The following ACSS2 variants were observed in gnomAD, a reference collection of about 807,000 sequenced individuals.
The protein encoded by ACSS2 is acetyl-coenzyme A synthetase, cytoplasmic.
A neutral mutation model predicts 90.6 loss-of-function variants in ACSS2; 58 were observed. The observed-to-expected ratio is 0.64, with a 90% CI of 0.52 to 0.80. The LOEUF (loss-of-function observed/expected upper bound fraction) is 0.80. Ranked by LOEUF, ACSS2 falls within the 30% of genes least tolerant of loss-of-function variation. The pLI is 0.00. For missense variants in ACSS2, 759 were observed against 912.0 expected, an observed-to-expected ratio of 0.83 and a Z score of 2.16; for synonymous variants, 300 against 330.9, an observed-to-expected ratio of 0.91 and a Z score of 1.01.
chr20:34,878,774 T>G (rs2079986900), intron 1 of ACSS2, among the ~76,000 whole-genome samples: 1 of 152,238 alleles, frequency 6.6e-6, no homozygotes, highest in South Asian at 2.1e-4. Context: ...ACTTGAGTCT[T>G]TCCAGTAGAT....
At chr20:34,886,871 T>C (rs191052878) in intron 2 of ACSS2, among the ~76,000 whole-genome samples, 1 of 152,350 alleles carries the variant, frequency 6.6e-6, no homozygotes, top group Admixed American at 6.5e-5. Flanking sequence ...ATGGCTTTCT[T>C]CTTAACTTTA....
At chr20:34,885,244 GA>G (rs968019482) in intron 2 of ACSS2, among the ~76,000 whole-genome samples, 7 of 151,656 alleles carry the variant, frequency 4.6e-5, no homozygotes, top group East Asian at 3.9e-4. Flanking sequence ...ATAAAAAGAG[GA>G]AAAAAAAGAT....
chr20:34,918,703 G>A (rs2081128315), intron 7 of ACSS2, among the ~76,000 whole-genome samples: 1 of 152,170 alleles, frequency 6.6e-6, no homozygotes, highest in African/African-American at 2.4e-5. Flanking sequence ...AAAAGTGCTT[G>A]GACCAAGATC....
chr20:34,921,918 A>T, intron 13 of ACSS2, 52 bp downstream of exon 13: 1 of 1,572,958 alleles, frequency 6.4e-7, no homozygotes, highest in Non-Finnish European at 8.6e-7. Context: ...AGGGTCTGCC[A>T]AGGGTACTTT....
chr20:34,906,950 C>CTCCA (rs2080820863), intron 2 of ACSS2, among the ~76,000 whole-genome samples: 1 of 138,138 alleles, frequency 7.2e-6, no homozygotes, highest in Admixed American at 7.4e-5. Flanking sequence ...CACTATTGCA[C>CTCCA]TCCAGCCTGG....
chr20:34,926,390 G>C, intron 16 of ACSS2, 109 bp downstream of exon 16: 1 of 1,266,316 alleles, frequency 7.9e-7, no homozygotes, highest in South Asian at 1.5e-5. Flanking sequence ...ACCACAAACA[G>C]ATTCCAGGGG....
intron 2 of ACSS2, among the ~76,000 whole-genome samples, chr20:34,883,819 C>T (rs1412636765): frequency 6.6e-6 from 1 of 152,220 alleles, no homozygotes; most frequent in Admixed American, 6.5e-5. Flanking sequence ...AGGAATTTAG[C>T]TGTCTAGGAG....
chr20:34,898,840 C>T (rs559517416), intron 2 of ACSS2, among the ~76,000 whole-genome samples: 5 of 148,790 alleles, frequency 3.4e-5, no homozygotes, highest in African/African-American at 5.0e-5. Flanking sequence ...GACTGGGTGC[C>T]GTGAGCAGGG....
intron 1 of ACSS2, among the ~76,000 whole-genome samples, chr20:34,879,258 C>G (rs1288141530): frequency 6.6e-6 from 1 of 152,010 alleles, no homozygotes; most frequent in Non-Finnish European, 1.5e-5. Context: ...CCTCTCTATT[C>G]TTATCTCCCA....
intron 1 of ACSS2, among the ~76,000 whole-genome samples, chr20:34,881,037 T>C (rs1025332664): frequency 1.0e-4 from 15 of 145,566 alleles, no homozygotes; most frequent in Admixed American, 8.9e-4. Context: ...TTTTTTTTTT[T>C]TTTTTTTGAG....
Position 34,876,622 on chromosome 20 carries a change from C to T in ACSS2, c.-24C>T. ...GCACCCGCCGCGACCGCAAAGGCGG[C>T]CGCGGTTCTAGGAACTTGACGTGAT... On this transcript the variant is annotated 5_prime_UTR_variant, in exon 1 of 18. Coordinates refer to ENST00000360596, the MANE Select transcript of ACSS2 (RefSeq NM_018677.4). The T allele has an allele frequency of 7.6e-7, 1 of 1,308,002 alleles. No homozygotes were observed. Among genetic ancestry groups the T allele is most frequent in the Middle Eastern group, 2.6e-4 (1 of 3,776 alleles). 81.0% of individuals were successfully genotyped at this position (1,308,002 alleles called of 1,614,324 possible).
chr20:34,876,432 C>T (rs2079907573), upstream of ACSS2: 2 of 443,438 alleles, frequency 4.5e-6, no homozygotes, highest in East Asian at 3.6e-5. Flanking sequence ...CTCGACTTTT[C>T]CTTATAGTAT....
chr20:34,885,465 G>A (rs1235453897), intron 2 of ACSS2, among the ~76,000 whole-genome samples: 1 of 152,130 alleles, frequency 6.6e-6, no homozygotes. Context: ...TGTAAAATGA[G>A]AGGAGTAGAC....
Position 34,915,243 on chromosome 20 carries a change from G to A in ACSS2, c.834+806G>A, listed in dbSNP as rs374385005. On this transcript the variant is annotated intron_variant, in intron 7 of 17. Transcript: ENST00000360596. ...GGTAAACTGAAAGAGAAATCCAAGC[G>A]TGTTCAGCCCCAGGTATCCATTTCT... The A allele has an allele frequency of 3.4e-5, 55 of 1,613,766 alleles. No individual in the cohort carries two copies. The highest frequency in any genetic ancestry group is 3.3e-4 in the Middle Eastern group (2 of 6,084).
intron 1 of ACSS2, among the ~76,000 whole-genome samples, chr20:34,879,155 C>T (rs368033770): frequency 5.3e-5 from 8 of 152,060 alleles, no homozygotes; most frequent in South Asian, 2.1e-4. Context: ...CCGCCCGCCT[C>T]GGCCTCCCAA....
At chr20:34,897,579 G>A (rs1001565551) in intron 2 of ACSS2, among the ~76,000 whole-genome samples, 2 of 152,184 alleles carry the variant, frequency 1.3e-5, no homozygotes, top group African/African-American at 4.8e-5. Flanking sequence ...GGGAGGCTGA[G>A]GTGGGTGGAT....
chr20:34,925,758 A>G lies in ACSS2; in HGVS notation c.1718A>G (p.Asn573Ser), dbSNP rs1302143681. ...WITGRIDDML[N>S]VSGHLLSTAE... The stretch of plus-strand genomic sequence containing the variant: ...ACTGGCAGGATTGATGACATGCTCA[A>G]TGTATCTGGTGAGGGCCAGGGGCCA... Residue 573 changes from asparagine to serine, a missense_variant, in exon 15 of 18, where the codon AAT becomes AGT. Asn to Ser is a conservative substitution (Grantham distance 46). Coordinates refer to ENST00000360596, the MANE Select transcript of ACSS2 (RefSeq NM_018677.4). 1 of 1,613,228 alleles carries G rather than the reference A, an allele frequency of 6.2e-7. No individual in the cohort carries two copies. Among genetic ancestry groups the G allele is most frequent in the South Asian group, 1.1e-5 (1 of 90,808 alleles).
upstream of ACSS2, chr20:34,876,541 G>GGCCCC: frequency 7.9e-7 from 1 of 1,259,120 alleles, no homozygotes; most frequent in South Asian, 3.1e-5. Flanking sequence ...CCACTCACCA[G>GGCCCC]GCCCCGCCCC....
chr20:34,890,204 A>G (rs1020680972), intron 2 of ACSS2, among the ~76,000 whole-genome samples: 8 of 152,190 alleles, frequency 5.3e-5, no homozygotes, highest in Admixed American at 1.3e-4. Context: ...AAGTGAAAGG[A>G]AAGAGTCAAG....
Sources: gnomAD v4.1 joint callset for allele counts (sites outside exome capture counted in the v4.1 genomes callset) on GRCh38, gnomAD v4.1.1 for gene constraint, MANE v1.5 for transcripts, NCBI Gene and HGNC (gene_info 2026-07-23, HGNC 2026-07-21) for gene names.